MAGI1: variants seen among roughly 807,000 people sequenced by gnomAD.
The protein encoded by MAGI1 is membrane-associated guanylate kinase, WW and PDZ domain-containing protein 1.
MAGI1 carries 58 observed loss-of-function variants against 139.9 expected under a neutral mutation model. The ratio of observed to expected loss-of-function variants is 0.41; its 90% confidence interval spans 0.34 to 0.52. The LOEUF is 0.52. Ranked by LOEUF, MAGI1 falls within the 20% of genes least tolerant of loss-of-function variation. The probability of loss-of-function intolerance (pLI) is 0.12; values close to 1 mark genes in which losing one functional copy is unlikely to be tolerated. For synonymous variants in MAGI1, 812 were observed against 737.9 expected, an observed-to-expected ratio of 1.10 and a Z score of -1.63; for missense variants, 1,874 against 1,901.6, an observed-to-expected ratio of 0.99 and a Z score of 0.27.
At chr3:65,905,962 AAG>A (rs941622428) in intron 1 of MAGI1, among the ~76,000 whole-genome samples, 13 of 152,294 alleles carry the variant, frequency 8.5e-5, no homozygotes, top group African/African-American at 3.1e-4. Context: ...ACCGAAATAA[AAG>A]AGTTTCTGGG....
At chr3:65,782,922 A>G (rs1406467003) in intron 1 of MAGI1, among the ~76,000 whole-genome samples, 4 of 151,516 alleles carry the variant, frequency 2.6e-5, no homozygotes, top group Non-Finnish European at 2.9e-5. Flanking sequence ...AAAAAAAAAG[A>G]GAAAAATCAA....
chr3:65,959,593 C>A (rs1166285585), intron 1 of MAGI1, among the ~76,000 whole-genome samples: 1 of 145,266 alleles, frequency 6.9e-6, no homozygotes. Flanking sequence ...GGCCACCATC[C>A]CAGCATTTTT....
chr3:65,555,832 G>A (rs1302175612), intron 2 of MAGI1, among the ~76,000 whole-genome samples: 2 of 152,154 alleles, frequency 1.3e-5, no homozygotes, highest in Non-Finnish European at 2.9e-5. Flanking sequence ...ACACCAGCCT[G>A]AGAGAGCAAG....
At chr3:65,417,301 C>A (rs1946297301) in intron 12 of MAGI1, among the ~76,000 whole-genome samples, 1 of 152,072 alleles carries the variant, frequency 6.6e-6, no homozygotes, top group African/African-American at 2.4e-5. Flanking sequence ...TCTGCACATC[C>A]TGCACATGTA....
intron 2 of MAGI1, chr3:65,597,903 C>A: frequency 2.4e-6 from 1 of 422,334 alleles, no homozygotes; most frequent in Non-Finnish European, 4.6e-6. Context: ...GGCTCTGCAG[C>A]GGCTGTAAAG....
At chr3:65,605,313 T>C (rs766451570) in intron 2 of MAGI1, among the ~76,000 whole-genome samples, 1 of 152,212 alleles carries the variant, frequency 6.6e-6, no homozygotes, top group Admixed American at 6.5e-5. Context: ...CTCAGCATCA[T>C]GTTCACCATG....
intron 1 of MAGI1, among the ~76,000 whole-genome samples, chr3:65,695,853 C>A (rs1396756071): frequency 6.6e-6 from 1 of 152,154 alleles, no homozygotes; most frequent in Middle Eastern, 3.2e-3. Context: ...TTTGTGATGT[C>A]TGCCATGAGT....
At chr3:65,526,963 T>C (rs943021677) in intron 2 of MAGI1, among the ~76,000 whole-genome samples, 2 of 152,154 alleles carry the variant, frequency 1.3e-5, no homozygotes, top group Non-Finnish European at 2.9e-5. Flanking sequence ...AGTCCTTAAT[T>C]CCAGGCCTGA....
chr3:65,666,056 A>G (rs1377519861), intron 1 of MAGI1, among the ~76,000 whole-genome samples: 1 of 152,082 alleles, frequency 6.6e-6, no homozygotes, highest in Non-Finnish European at 1.5e-5. Flanking sequence ...TGAAAAAGTA[A>G]CTCCACCCAG....
intron 1 of MAGI1, among the ~76,000 whole-genome samples, chr3:65,891,958 T>C (rs2060789640): frequency 7.9e-6 from 1 of 126,452 alleles, no homozygotes; most frequent in African/African-American, 2.9e-5. Flanking sequence ...GTTGCTCCAA[T>C]TCAAATTTGT....
intron 18 of MAGI1, among the ~76,000 whole-genome samples, chr3:65,370,192 C>T (rs1397284419): frequency 2.6e-5 from 4 of 152,032 alleles, no homozygotes; most frequent in Admixed American, 6.5e-5. Flanking sequence ...ACCATGAACC[C>T]GGGAGGCAGA....
At chr3:65,988,641 T>C (rs1471317870) in intron 1 of MAGI1, among the ~76,000 whole-genome samples, 1 of 152,224 alleles carries the variant, frequency 6.6e-6, no homozygotes, top group Non-Finnish European at 1.5e-5. Flanking sequence ...CCTTGAGTTG[T>C]AATTAGCAGC....
At chr3:65,821,561 T>C (rs973595169) in intron 1 of MAGI1, among the ~76,000 whole-genome samples, 1 of 152,182 alleles carries the variant, frequency 6.6e-6, no homozygotes, top group Admixed American at 6.5e-5. Context: ...ACTAAAGACT[T>C]TGTCAATCCA....
chr3:65,845,627 C>T (rs1348440437), intron 1 of MAGI1, among the ~76,000 whole-genome samples: 3 of 152,206 alleles, frequency 2.0e-5, no homozygotes, highest in Non-Finnish European at 4.4e-5. Context: ...ATTTCTACCA[C>T]ATCACTCACA....
chr3:65,788,198 A>G (rs2039524033), intron 1 of MAGI1, among the ~76,000 whole-genome samples: 1 of 152,238 alleles, frequency 6.6e-6, no homozygotes, highest in Admixed American at 6.5e-5. Context: ...CAAGTCACAC[A>G]TATGTTACAA....
intron 2 of MAGI1, among the ~76,000 whole-genome samples, chr3:65,512,640 G>A (rs2077657379): frequency 6.6e-6 from 1 of 151,934 alleles, no homozygotes; most frequent in East Asian, 1.9e-4. Flanking sequence ...CCAATAACAG[G>A]AGCTGAAATT....
chr3:65,596,350 T>C (rs999398667), intron 2 of MAGI1, among the ~76,000 whole-genome samples: 10 of 152,154 alleles, frequency 6.6e-5, no homozygotes, highest in African/African-American at 2.4e-4. Context: ...TCCGAATCTT[T>C]TGAAAGCACT....
chr3:65,906,179 T>C (rs888559730), intron 1 of MAGI1, among the ~76,000 whole-genome samples: 1 of 152,102 alleles, frequency 6.6e-6, no homozygotes, highest in Admixed American at 6.6e-5. Context: ...AAAGAATATA[T>C]TACTCGAAAT....
intron 12 of MAGI1, among the ~76,000 whole-genome samples, chr3:65,428,035 C>A (rs1444239597): frequency 6.6e-6 from 1 of 152,132 alleles, no homozygotes; most frequent in Non-Finnish European, 1.5e-5. Context: ...CTAAGCCAGG[C>A]TCATTGAGCA....
Sources: allele counts gnomAD v4.1 joint callset (sites outside exome capture counted in the v4.1 genomes callset), GRCh38; gene constraint gnomAD v4.1.1; transcripts MANE v1.5; gene names NCBI Gene and HGNC (gene_info 2026-07-23, HGNC 2026-07-21).